ABCA8: variants seen among roughly 807,000 people sequenced by gnomAD.
The protein encoded by ABCA8 is ABC-type organic anion transporter ABCA8.
In ABCA8, 177 loss-of-function variants were observed where a neutral mutation model predicts 192.3. That is an observed-to-expected ratio of 0.92 (90% CI 0.81 to 1.04). The LOEUF is 1.04. Among genes scored for constraint, ABCA8 ranks in the 50% least tolerant of loss-of-function variants. ABCA8 has a pLI of 0.00. For missense variants in ABCA8, 1,915 were observed against 1,904.8 expected, an observed-to-expected ratio of 1.01 and a Z score of -0.10; for synonymous variants, 642 against 690.2, an observed-to-expected ratio of 0.93 and a Z score of 1.09.
At chr17:68,876,373 T>C (rs1375897948) in intron 35 of ABCA8, 87 bp downstream of exon 35, 13 of 1,545,680 alleles carry the variant, frequency 8.4e-6, no homozygotes, top group Admixed American at 1.7e-5. Context: ...CAAAAGAGTT[T>C]AAGGGACAAT....
intron 37 of ABCA8, among the ~76,000 whole-genome samples, chr17:68,873,951 G>C (rs2066135883): frequency 6.6e-6 from 1 of 152,104 alleles, no homozygotes; most frequent in Non-Finnish European, 1.5e-5. Context: ...GATTTGTGTA[G>C]CTTTGTATGT....
At chr17:68,884,578 T>C in intron 27 of ABCA8, 182 bp from the exon 28 acceptor site, 1 of 1,300,676 alleles carries the variant, frequency 7.7e-7, no homozygotes, top group Non-Finnish European at 9.8e-7. Flanking sequence ...TGAGCTTTTG[T>C]TTGAAGCAAT....
intron 32 of ABCA8, chr17:68,878,759 T>C (rs2066267520): frequency 6.6e-6 from 1 of 152,234 alleles, no homozygotes; most frequent in African/African-American, 2.4e-5. Context: ...AAGGACTAAA[T>C]TAGAGTTGGC....
intron 21 of ABCA8, 24 bp from the exon 22 acceptor site, chr17:68,895,037 G>A: frequency 6.4e-7 from 1 of 1,552,452 alleles, no homozygotes; most frequent in East Asian, 2.3e-5. Flanking sequence ...AAAGATATTA[G>A]GTATCACAAA....
At chr17:68,924,677 G>T (rs1479461061) in intron 11 of ABCA8, 24 bp downstream of exon 11, 1 of 1,602,064 alleles carries the variant, frequency 6.2e-7, no homozygotes, top group Non-Finnish European at 8.5e-7. Context: ...TTTTTGCCCT[G>T]TTCTCCACCT....
In ABCA8 at chr17:68,903,307, A is replaced by G; in HGVS notation, c.2591T>C (p.Leu864Ser). The G allele has an allele frequency of 6.2e-7, 1 of 1,614,128 alleles. No homozygotes were observed. The highest frequency in any genetic ancestry group is 8.5e-7 in the Non-Finnish European group (1 of 1,180,026). ...TGGCAACTCTGATACTTACAGTGCT[A>G]AAAGAGCTTTTCTTTCATGCTTTAA... ...LKLKHERKALLALLLILMAGF... is the reference protein window; with the variant it reads ...LKLKHERKALSALLLILMAGF... The change falls in exon 20 of 40, where the codon TTA becomes TCA. Residue 864 changes from leucine to serine, a missense_variant. Coordinates refer to ENST00000586539, the MANE Select transcript of ABCA8 (RefSeq NM_001288985.2).
In ABCA8 at chr17:68,883,803, T is replaced by C. The variant is rs759086544; in HGVS notation, c.3695A>G (p.Asp1232Gly). The change falls in exon 29 of 40, where the codon GAT becomes GGT. Residue 1232 changes from aspartate to glycine, a missense_variant. By Grantham distance (94) the Asp-to-Gly change is moderately conservative. Transcript: ENST00000586539. The part of the protein sequence containing the change: ...WKFGKKSMRK[D>G]PFFRISPRSS... ...TGTTTTTTCCAACCTAAAGAAAGGA[T>C]CCTTTCTCATTGATTTCTTTCCAAA... 20 of 1,585,938 alleles carry C rather than the reference T, an allele frequency of 1.3e-5. No homozygotes were observed. Among genetic ancestry groups the C allele is most frequent in the Non-Finnish European group, 1.6e-5 (19 of 1,167,520 alleles).
intron 17 of ABCA8, among the ~76,000 whole-genome samples, chr17:68,916,988 G>C (rs2067386284): frequency 6.6e-6 from 1 of 152,060 alleles, no homozygotes; most frequent in Non-Finnish European, 1.5e-5. Flanking sequence ...ACAAATTCTT[G>C]GCCGGGCGCG....
chr17:68,947,111 GATAA>G (rs1273389390), intron 2 of ABCA8, among the ~76,000 whole-genome samples: 2 of 152,134 alleles, frequency 1.3e-5, no homozygotes, highest in African/African-American at 2.4e-5. Flanking sequence ...CAAGTTTCAT[GATAA>G]ATAAAGGTCT....
At chr17:68,900,620 G>A (rs1369031306) in intron 21 of ABCA8, among the ~76,000 whole-genome samples, 1 of 146,584 alleles carries the variant, frequency 6.8e-6, no homozygotes, top group Non-Finnish European at 1.5e-5. Context: ...GATATCTAAA[G>A]ACATTAGCAT....
intron 23 of ABCA8, among the ~76,000 whole-genome samples, chr17:68,892,486 C>T (rs1299885099): frequency 6.6e-6 from 1 of 152,078 alleles, no homozygotes; most frequent in Non-Finnish European, 1.5e-5. Context: ...AAATGAGTTG[C>T]TGGGGATATT....
intron 24 of ABCA8, among the ~76,000 whole-genome samples, chr17:68,889,747 A>AGATTTTC (rs1178589166): frequency 3.3e-5 from 5 of 152,158 alleles, no homozygotes; most frequent in African/African-American, 1.2e-4. Context: ...TTCTGTCACT[A>AGATTTTC]TAGATTAATT....
At chr17:68,884,734 T>G in intron 27 of ABCA8, 1 of 1,058,492 alleles carries the variant, frequency 9.4e-7, no homozygotes, top group Non-Finnish European at 1.1e-6. Context: ...TGGGGCCCCT[T>G]CTCTTCCTTT....
chr17:68,931,630 A>G (rs2067880529), intron 7 of ABCA8: 1 of 152,090 alleles, frequency 6.6e-6, no homozygotes, highest in African/African-American at 2.4e-5. Flanking sequence ...CTTATTTCCT[A>G]TAGCAGTTCC....
intron 5 of ABCA8, among the ~76,000 whole-genome samples, chr17:68,935,262 TTG>T (rs71144641): frequency 0.35 from 47,901 of 135,752 alleles, 9,261 homozygotes; most frequent in Non-Finnish European, 0.45. Context: ...GCCTGGCTAA[TTG>T]TGTGTGTGTG....
chr17:68,915,917 A>G (rs964533833), intron 17 of ABCA8, among the ~76,000 whole-genome samples: 1 of 152,232 alleles, frequency 6.6e-6, no homozygotes, highest in Admixed American at 6.5e-5. Context: ...AATGTGGTAC[A>G]TACACACAAT....
At chr17:68,873,510 T>G (rs1315940730) in intron 37 of ABCA8, among the ~76,000 whole-genome samples, 1 of 152,246 alleles carries the variant, frequency 6.6e-6, no homozygotes, top group Non-Finnish European at 1.5e-5. Context: ...TGCCTTTCAC[T>G]TTGTCAATTG....
In ABCA8 at chr17:68,876,624, G is replaced by C. The variant is rs774264828; in HGVS notation, c.4275+4C>G. The C allele has an allele frequency of 3.5e-5, 57 of 1,614,022 alleles. 1 individual carries two copies. In the African/African-American group the frequency reaches 3.9e-4, roughly 11 times the overall value. On this transcript the variant is annotated splice_donor_region_variant and intron_variant, in intron 34 of 39. Transcript: ENST00000586539. ...TGCAGAGCAACACCAAGCCCTGCCC[G>C]TACCTTTCTCTTTATTCCCTCTGAC... is the stretch of plus-strand genomic sequence containing the variant.
intron 21 of ABCA8, among the ~76,000 whole-genome samples, chr17:68,901,843 G>C (rs944545847): frequency 2.0e-5 from 3 of 151,282 alleles, no homozygotes; most frequent in Non-Finnish European, 4.4e-5. Context: ...AAAATTTCTG[G>C]TGTGAATATA....
Sources: allele counts gnomAD v4.1 joint callset (sites outside exome capture counted in the v4.1 genomes callset), GRCh38; gene constraint gnomAD v4.1.1; transcripts MANE v1.5; gene names NCBI Gene and HGNC (gene_info 2026-07-23, HGNC 2026-07-21).